Variants in SMG6 observed in about 807,000 individuals in gnomAD.
SMG6 encodes telomerase-binding protein EST1A.
SMG6 carries 66 observed loss-of-function variants against 142.2 expected under a neutral mutation model. That is an observed-to-expected ratio of 0.46 (90% confidence interval 0.38 to 0.57). The LOEUF is 0.57. Among genes scored for constraint, SMG6 ranks in the 20% least tolerant of loss-of-function variants. The pLI is 0.00. For missense variants in SMG6, 1,793 were observed against 1,832.0 expected (o/e 0.98, Z 0.39); for synonymous variants, 779 against 702.4 (o/e 1.11, Z -1.72).
At chr17:2,143,742 AATTG>A (rs1447991116) in intron 13 of SMG6, among the ~76,000 whole-genome samples, 2 of 152,220 alleles carry the variant, frequency 1.3e-5, no homozygotes, top group Non-Finnish European at 2.9e-5. Flanking sequence ...TATCTCAATA[AATTG>A]ATTAAAATTT....
chr17:2,113,645 C>T (rs553776804), intron 13 of SMG6, among the ~76,000 whole-genome samples: 11 of 152,320 alleles, frequency 7.2e-5, no homozygotes, highest in Admixed American at 5.2e-4. Context: ...CATCTAAAAC[C>T]CATGGCCTCA....
intron 13 of SMG6, chr17:2,127,907 T>G: frequency 5.3e-6 from 3 of 567,012 alleles, no homozygotes; most frequent in South Asian, 4.2e-5. Context: ...ATGTCCACGT[T>G]GGCCTCCAGT....
chr17:2,114,057 C>T (rs1449203752), intron 13 of SMG6, among the ~76,000 whole-genome samples: 2 of 152,130 alleles, frequency 1.3e-5, no homozygotes, highest in Non-Finnish European at 2.9e-5. Flanking sequence ...CACCTGAGGT[C>T]AGGAGTTCAA....
At position 2,299,297 on chromosome 17, in the gene SMG6, T is replaced by C. The variant is rs1418880570; in HGVS notation, c.1456A>G (p.Thr486Ala). Reference sequence around the variant, plus strand: ...GCCTGGCGTGAGTCACCCCAAGATGTAGGGCTGACTTCATCATCAGTGTCC... The same window carrying C: ...GCCTGGCGTGAGTCACCCCAAGATGCAGGGCTGACTTCATCATCAGTGTCC... The part of the protein sequence containing the change: ...FLDTDDEVSP[T>A]SWGDSRQAQA... The change falls in exon 2 of 19, where the codon ACA (threonine) becomes GCA (alanine). Residue 486 changes from threonine to alanine, a missense_variant. Thr to Ala is a moderately conservative substitution (Grantham distance 58, BLOSUM62 0). This residue lies in a region of SMG6 where 1,597 missense variants were observed against 1,584.6 expected (regional missense o/e 1.01). Transcript: ENST00000263073. This position sits in a 1 kb window ranked among gnomAD's most constrained non-coding sequence, Gnocchi z 4.3. 7 of 1,614,080 alleles carry C rather than the reference T, an allele frequency of 4.3e-6. No individual in the cohort carries two copies. The highest frequency in any genetic ancestry group is 1.6e-4 in the Middle Eastern group (1 of 6,062).
At chr17:2,119,575 C>G (rs919786955) in intron 13 of SMG6, among the ~76,000 whole-genome samples, 2 of 152,208 alleles carry the variant, frequency 1.3e-5, no homozygotes, top group Non-Finnish European at 2.9e-5. Flanking sequence ...TCTCGGCTCA[C>G]TGCAACCTCT....
intron 13 of SMG6, among the ~76,000 whole-genome samples, chr17:2,097,138 T>C (rs931149367): frequency 2.0e-5 from 3 of 150,544 alleles, no homozygotes; most frequent in African/African-American, 7.5e-5. Context: ...ATTGAAGAAA[T>C]ATATAATTTT....
At chr17:2,219,151 G>T (rs1177569093) in intron 10 of SMG6, among the ~76,000 whole-genome samples, 1 of 151,800 alleles carries the variant, frequency 6.6e-6, no homozygotes, top group East Asian at 1.9e-4. Flanking sequence ...TTGGGAGGCG[G>T]AGGTGGGTGG....
At chr17:2,235,718 A>G (rs1379006409) in intron 10 of SMG6, 2 of 152,618 alleles carry the variant, frequency 1.3e-5, no homozygotes, top group Non-Finnish European at 2.9e-5. Flanking sequence ...CCTGTACTAC[A>G]TAATTCCATC....
chr17:2,149,542 C>G (rs548004877), intron 13 of SMG6, among the ~76,000 whole-genome samples: 7 of 152,108 alleles, frequency 4.6e-5, no homozygotes, highest in Non-Finnish European at 8.8e-5. Context: ...CAAGGAAGAA[C>G]AGGTGAAAGC....
chr17:2,298,841 C>T (rs777274712), intron 2 of SMG6, 65 bp downstream of exon 2: 5 of 1,480,614 alleles, frequency 3.4e-6, no homozygotes, highest in Non-Finnish European at 4.6e-6. Context: ...CTTCCTCAGC[C>T]ATAGCAATCT....
intron 15 of SMG6, 49 bp downstream of exon 15, chr17:2,081,761 T>G (rs1240621433): frequency 1.2e-6 from 2 of 1,606,192 alleles, no homozygotes; most frequent in Non-Finnish European, 1.7e-6. Flanking sequence ...TCTCATGCCC[T>G]AGACAGCAAC....
chr17:2,066,824 A>T (rs1195078739), intron 16 of SMG6, among the ~76,000 whole-genome samples: 1 of 152,240 alleles, frequency 6.6e-6, no homozygotes, highest in Non-Finnish European at 1.5e-5. Flanking sequence ...ATTCTATCCC[A>T]AAATCTGCTT....
intron 13 of SMG6, among the ~76,000 whole-genome samples, chr17:2,126,380 G>T (rs1323236652): frequency 1.3e-5 from 2 of 152,108 alleles, no homozygotes; most frequent in Non-Finnish European, 2.9e-5. Flanking sequence ...TATGACACTG[G>T]ATTTGGCAAT....
intron 13 of SMG6, among the ~76,000 whole-genome samples, chr17:2,099,717 C>T (rs1471944808): frequency 6.6e-6 from 1 of 152,194 alleles, no homozygotes; most frequent in African/African-American, 2.4e-5. Context: ...CTCGGGATAA[C>T]GTGTAAGTCA....
In SMG6 at chr17:2,292,969, A is replaced by G. The variant is rs978664994; in HGVS notation, c.2160T>C (p.Tyr720=). The G allele has an allele frequency of 3.7e-6, 6 of 1,613,174 alleles. No homozygotes were observed. The highest frequency in any genetic ancestry group is 5.1e-6 in the Non-Finnish European group (6 of 1,179,202). Residue 720 remains tyrosine (Y), a synonymous_variant, in exon 5 of 19, where the codon TAT becomes TAC. Transcript: ENST00000263073. ...RSKPLRKTVK[Y]ALISAQRCMI... is the part of the protein sequence containing the mutation. ...TGCATCGCTGGGCACTGATCAAGGC[A>G]TATTTTACCTTCAGGAAAAACAACC...
At chr17:2,125,732 T>G (rs2069852620) in intron 13 of SMG6, among the ~76,000 whole-genome samples, 1 of 152,126 alleles carries the variant, frequency 6.6e-6, no homozygotes, top group African/African-American at 2.4e-5. Flanking sequence ...GCGGGCAGAT[T>G]GCTTGAGGTC....
intron 13 of SMG6, among the ~76,000 whole-genome samples, chr17:2,113,019 A>G (rs975369580): frequency 1.3e-5 from 2 of 151,880 alleles, no homozygotes; most frequent in African/African-American, 4.8e-5. Flanking sequence ...CAGCTTCCCA[A>G]AGTGCTGGGA....
At chr17:2,063,627 G>A (rs887371612) in intron 18 of SMG6, among the ~76,000 whole-genome samples, 7 of 152,238 alleles carry the variant, frequency 4.6e-5, no homozygotes, top group Non-Finnish European at 1.0e-4. Context: ...CAGCAATCCC[G>A]CCTACCTTTC....
Position 2,059,952 on chromosome 17 carries a change from G to A in SMG6, c.*1540C>T, listed in dbSNP as rs958473040. 1.3e-5 allele frequency: 2 copies of A among 152,640 alleles called. No individual in the cohort carries two copies. Among genetic ancestry groups the A allele is most frequent in the Non-Finnish European group, 2.9e-5 (2 of 68,064 alleles). 9.5% of individuals were successfully genotyped at this position (152,640 alleles called of 1,614,324 possible). ...CCACCCAGTCATCGGCCTTCCAGCTGGGGAGAGAATCTTAAAGGAGAGGCC... is the reference window on the plus strand; with the variant it reads ...CCACCCAGTCATCGGCCTTCCAGCTAGGGAGAGAATCTTAAAGGAGAGGCC... On this transcript the variant is annotated 3_prime_UTR_variant, in exon 19 of 19. Transcript: ENST00000263073.
Sources: allele counts gnomAD v4.1 joint callset (sites outside exome capture counted in the v4.1 genomes callset), GRCh38; gene constraint gnomAD v4.1.1; regional missense constraint gnomAD v4.1.1; non-coding constraint Gnocchi (gnomAD v3.1); transcripts MANE v1.5; gene names NCBI Gene and HGNC (gene_info 2026-07-23, HGNC 2026-07-21).